The following ADAM18 variants were observed in gnomAD, a reference collection of about 807,000 sequenced individuals.
The protein encoded by ADAM18 is ADAM metallopeptidase domain 18.
ADAM18 carries 117 observed loss-of-function variants against 94.4 expected under a neutral mutation model. The ratio of observed to expected loss-of-function variants is 1.24; its 90% CI spans 1.07 to 1.45. ADAM18 has a LOEUF of 1.45. Ranked by LOEUF, ADAM18 falls within the 40% of genes most tolerant of loss-of-function variation. The probability of loss-of-function intolerance (pLI) is 0.00; values close to 1 mark genes in which losing one functional copy is unlikely to be tolerated. For synonymous variants in ADAM18, 327 were observed against 291.6 expected, an observed-to-expected ratio of 1.12 and a Z score of -1.24; for missense variants, 936 against 880.0, an observed-to-expected ratio of 1.06 and a Z score of -0.81.
intron 16 of ADAM18, among the ~76,000 whole-genome samples, chr8:39,682,674 G>T (rs1239841804): frequency 6.6e-6 from 1 of 152,100 alleles, no homozygotes; most frequent in Non-Finnish European, 1.5e-5. Flanking sequence ...ATATCTATAA[G>T]TTATTCTATG....
chr8:39,688,204 G>A (rs984891091), intron 16 of ADAM18, among the ~76,000 whole-genome samples: 1 of 152,132 alleles, frequency 6.6e-6, no homozygotes, highest in Non-Finnish European at 1.5e-5. Context: ...AATGATTAGT[G>A]ATGATGAACT....
intron 2 of ADAM18, among the ~76,000 whole-genome samples, chr8:39,596,127 G>A (rs929576701): frequency 1.3e-5 from 2 of 152,140 alleles, no homozygotes; most frequent in East Asian, 3.8e-4. Context: ...CTGTCCTTAT[G>A]GATGTGCGGC....
intron 6 of ADAM18, among the ~76,000 whole-genome samples, chr8:39,615,420 C>T (rs965306618): frequency 6.6e-6 from 1 of 152,116 alleles, no homozygotes; most frequent in African/African-American, 2.4e-5. Context: ...AACAAAGATA[C>T]AACATACCAG....
intron 17 of ADAM18, among the ~76,000 whole-genome samples, chr8:39,696,708 T>C (rs866414464): frequency 6.6e-6 from 1 of 151,598 alleles, no homozygotes; most frequent in Non-Finnish European, 1.5e-5. Flanking sequence ...GGGCTCTCTA[T>C]TCTCCATTTG....
intron 6 of ADAM18, chr8:39,611,096 T>C (rs945179765): frequency 2.0e-6 from 2 of 997,328 alleles, no homozygotes; most frequent in African/African-American, 3.5e-5. Flanking sequence ...TGTTGCCAGA[T>C]GCTCTTAATT....
At chr8:39,631,178 A>T (rs554785778) in intron 7 of ADAM18, among the ~76,000 whole-genome samples, 1 of 151,960 alleles carries the variant, frequency 6.6e-6, no homozygotes, top group African/African-American at 2.4e-5. Flanking sequence ...TCATTTAATG[A>T]TGTCTTTTGA....
chr8:39,691,781 T>C (rs1192894833), intron 16 of ADAM18, among the ~76,000 whole-genome samples: 1 of 150,242 alleles, frequency 6.7e-6, no homozygotes, highest in Admixed American at 6.6e-5. Flanking sequence ...AAAAATAGTC[T>C]TGGATATCTT....
intron 7 of ADAM18, among the ~76,000 whole-genome samples, chr8:39,636,033 G>C: frequency 7.0e-6 from 1 of 143,480 alleles, no homozygotes; most frequent in East Asian, 2.0e-4. Flanking sequence ...GAGAGAGAGA[G>C]AGAGAGAGGG....
chr8:39,619,320 G>C (rs996092258), intron 6 of ADAM18, among the ~76,000 whole-genome samples: 1 of 152,124 alleles, frequency 6.6e-6, no homozygotes, highest in African/African-American at 2.4e-5. Context: ...AAAAGCGACC[G>C]AATGGACATT....
intron 7 of ADAM18, among the ~76,000 whole-genome samples, chr8:39,635,554 A>G (rs1262826966): frequency 6.6e-6 from 1 of 152,210 alleles, no homozygotes; most frequent in East Asian, 1.9e-4. Context: ...ATCAAAACAT[A>G]AAAGTTAATG....
Position 39,629,382 on chromosome 8 carries a change from T to C in ADAM18, c.531T>C (p.Asn177=). 6.4e-7 allele frequency: 1 copy of C among 1,573,088 alleles called. No homozygotes were observed. The highest frequency in any genetic ancestry group is 2.3e-5 in the East Asian group (1 of 43,478). ...TTGTTGTTGTTTTCCAGATAAAAAA[T>C]CTTTCAAAACTATTACCCCAATATC... ...YKVPLNSQIK[N]LSKLLPQYLE... is the part of the protein sequence containing the mutation. The change falls in exon 7 of 20, where the codon AAT becomes AAC. Residue 177 remains asparagine (N), a synonymous_variant. Coordinates refer to ENST00000265707, the MANE Select transcript of ADAM18 (RefSeq NM_014237.3).
intron 17 of ADAM18, among the ~76,000 whole-genome samples, chr8:39,693,441 T>C (rs1377123176): frequency 6.6e-6 from 1 of 151,354 alleles, no homozygotes; most frequent in East Asian, 1.9e-4. Flanking sequence ...AATTTTTTAC[T>C]TCCTCTGTTA....
chr8:39,678,152 A>G (rs1585972047), intron 15 of ADAM18, among the ~76,000 whole-genome samples: 1 of 152,348 alleles, frequency 6.6e-6, no homozygotes, highest in East Asian at 1.9e-4. Context: ...ACAGAGCCAG[A>G]TTCACAAAAT....
At chr8:39,589,233 C>T (rs1042061217) in intron 2 of ADAM18, among the ~76,000 whole-genome samples, 63 of 152,330 alleles carry the variant, frequency 4.1e-4, no homozygotes, top group African/African-American at 1.4e-3. Context: ...AAGCCAACTC[C>T]TTAATGTTAC....
Position 39,663,821 on chromosome 8 carries a change from T to C in ADAM18, c.1257T>C (p.Asp419=), listed in dbSNP as rs1451231722. 2 of 1,612,718 alleles carry C rather than the reference T, an allele frequency of 1.2e-6. No individual in the cohort carries two copies. The highest frequency in any genetic ancestry group is 2.2e-5 in the East Asian group (1 of 44,776). ...KNECQFKKCC[D]YNTCKLKGSV... is the part of the protein sequence containing the mutation. Reference sequence around the variant, plus strand: ...AATGTCAATTTAAGAAGTGCTGTGATTATAACACATGTAAACTGAAGGGCT... The same window carrying C: ...AATGTCAATTTAAGAAGTGCTGTGACTATAACACATGTAAACTGAAGGGCT... The change falls in exon 13 of 20, where the codon GAT becomes GAC. Residue 419 remains aspartate, a synonymous_variant. Coordinates refer to ENST00000265707, the MANE Select transcript of ADAM18 (RefSeq NM_014237.3).
chr8:39,704,303 C>A (rs1455373918), intron 17 of ADAM18, among the ~76,000 whole-genome samples: 1 of 151,994 alleles, frequency 6.6e-6, no homozygotes, highest in Non-Finnish European at 1.5e-5. Flanking sequence ...ATGCAAAAAT[C>A]CTCAACAAAA....
At chr8:39,717,212 A>C (rs1172288253) in intron 18 of ADAM18, among the ~76,000 whole-genome samples, 1 of 151,812 alleles carries the variant, frequency 6.6e-6, no homozygotes, top group African/African-American at 2.4e-5. Flanking sequence ...AATCACATAA[A>C]AAAACTACAC....
intron 6 of ADAM18, among the ~76,000 whole-genome samples, chr8:39,625,141 A>T (rs999534828): frequency 4.6e-5 from 7 of 152,124 alleles, no homozygotes; most frequent in African/African-American, 1.7e-4. Context: ...GCAGTATGGT[A>T]ATTTTCACAA....
intron 14 of ADAM18, among the ~76,000 whole-genome samples, chr8:39,672,076 A>G (rs550438654): frequency 6.6e-6 from 1 of 152,296 alleles, no homozygotes; most frequent in South Asian, 2.1e-4. Context: ...TGGAAAAAAA[A>G]AGATTACTCG....
Sources: allele counts gnomAD v4.1 joint callset (sites outside exome capture counted in the v4.1 genomes callset), GRCh38; gene constraint gnomAD v4.1.1; transcripts MANE v1.5; gene names NCBI Gene and HGNC (gene_info 2026-07-23, HGNC 2026-07-21).